The following SNX29 variants were observed in gnomAD, a reference collection of about 807,000 sequenced individuals.
The protein encoded by SNX29 is sorting nexin 29, also known as sorting nexin-29.
SNX29 carries 78 observed loss-of-function variants against 102.1 expected under a neutral mutation model. That is an observed-to-expected ratio of 0.76 (90% CI 0.64 to 0.92). SNX29 has a LOEUF of 0.92. Ranked by LOEUF, SNX29 falls within the 40% of genes least tolerant of loss-of-function variation. The pLI, the probability that SNX29 is intolerant of heterozygous loss-of-function variation, is 0.00. For missense variants in SNX29, 1,280 were observed against 1,061.7 expected (o/e 1.21, Z -2.86); for synonymous variants, 580 against 414.5 (o/e 1.40, Z -4.85).
intron 13 of SNX29, among the ~76,000 whole-genome samples, chr16:12,151,114 C>A (rs2055281311): frequency 6.6e-6 from 1 of 152,018 alleles, no homozygotes; most frequent in Admixed American, 6.6e-5. Flanking sequence ...GTGTAACAGC[C>A]CCTGTGTACC....
chr16:12,527,468 G>C (rs2076817862), intron 20 of SNX29: 3 of 428,114 alleles, frequency 7.0e-6, no homozygotes, highest in South Asian at 6.5e-5. Flanking sequence ...GTTGATTTAG[G>C]ATCCAAAAAG....
chr16:11,977,166 C>T (rs924664647), intron 1 of SNX29: 2 of 280,300 alleles, frequency 7.1e-6, no homozygotes, highest in Admixed American at 1.1e-4. Context: ...ACTCCTAGAC[C>T]CGCTGCGTCC....
intron 13 of SNX29, among the ~76,000 whole-genome samples, chr16:12,163,219 C>G (rs921691021): frequency 6.6e-6 from 1 of 152,112 alleles, no homozygotes; most frequent in Non-Finnish European, 1.5e-5. Flanking sequence ...ATGTCCTTTG[C>G]GGAGCCCCCA....
chr16:12,184,749 A>G (rs1399568537), intron 13 of SNX29, among the ~76,000 whole-genome samples: 1 of 152,212 alleles, frequency 6.6e-6, no homozygotes, highest in Non-Finnish European at 1.5e-5. Context: ...TTCTCATGTA[A>G]TTCATCCCCA....
rs35252846 is a variant in SNX29 at position 12,109,737 on chromosome 16, C to CTT, written c.1403-16886_1403-16885dup. On this transcript the variant is annotated intron_variant, in intron 11 of 20. Transcript: ENST00000566228. ...CCTGTTGAGCTTCCATTGCCCTCAT[C>CTT]TTTTTTTTTTTGACACGGAATCCCG... Among the ~76,000 whole-genome samples, 391 of 148,386 alleles carry CTT rather than the reference C, an allele frequency of 2.6e-3. 2 individuals carry two copies. The highest frequency in any genetic ancestry group is 0.014 in the Middle Eastern group (4 of 292).
intron 20 of SNX29, among the ~76,000 whole-genome samples, chr16:12,558,182 TTAA>T (rs1159023020): frequency 2.6e-5 from 4 of 151,864 alleles, no homozygotes; most frequent in Non-Finnish European, 4.4e-5. Context: ...ATCTCAGTTT[TTAA>T]TAATTACGGT....
chr16:12,447,157 C>G (rs973381643), intron 18 of SNX29, among the ~76,000 whole-genome samples: 2 of 94,504 alleles, frequency 2.1e-5, no homozygotes, highest in African/African-American at 8.5e-5. Context: ...CAGAGGGAGA[C>G]TCTGTCTCAA....
intron 11 of SNX29, among the ~76,000 whole-genome samples, chr16:12,101,927 C>G (rs1161326755): frequency 1.3e-5 from 2 of 152,152 alleles, no homozygotes; most frequent in Admixed American, 6.5e-5. Context: ...GCCCCCTACC[C>G]TCAGACAGGC....
At chr16:12,198,034 C>T (rs1336728157) in intron 13 of SNX29, among the ~76,000 whole-genome samples, 1 of 152,032 alleles carries the variant, frequency 6.6e-6, no homozygotes, top group Non-Finnish European at 1.5e-5. Context: ...GTGGTATTTC[C>T]ATCCGTAAAT....
At chr16:12,381,686 A>G in intron 16 of SNX29, among the ~76,000 whole-genome samples, 1 of 366 alleles carries the variant, frequency 2.7e-3, no homozygotes, top group East Asian at 0.045. Flanking sequence ...TCTATCATCC[A>G]TCCCCCCACC....
intron 11 of SNX29, among the ~76,000 whole-genome samples, chr16:12,091,156 G>A (rs535279781): frequency 4.6e-5 from 7 of 151,648 alleles, no homozygotes; most frequent in African/African-American, 1.5e-4. Flanking sequence ...CATAGCATCC[G>A]TGTAAAATAG....
chr16:12,357,441 G>A (rs1303434641), intron 16 of SNX29, among the ~76,000 whole-genome samples: 1 of 152,144 alleles, frequency 6.6e-6, no homozygotes, highest in South Asian at 2.1e-4. Flanking sequence ...CCTTTGAATA[G>A]TTTTTTTGAT....
intron 13 of SNX29, among the ~76,000 whole-genome samples, chr16:12,161,198 CACCTTTCTGACCTTTGGATAG>C (rs2055769894): frequency 6.6e-6 from 1 of 152,206 alleles, no homozygotes; most frequent in African/African-American, 2.4e-5. Context: ...CCATGTTGAC[CACCTTTCTGACCTTTGGATAG>C]ACAGGGAATA....
chr16:12,053,098 C>G (rs530377815), intron 8 of SNX29: 1 of 152,130 alleles, frequency 6.6e-6, no homozygotes, highest in East Asian at 1.9e-4. Context: ...CTAGACCAGC[C>G]TGACCAACAT....
intron 16 of SNX29, among the ~76,000 whole-genome samples, chr16:12,384,085 T>G (rs915345179): frequency 6.6e-6 from 1 of 152,240 alleles, no homozygotes; most frequent in South Asian, 2.1e-4. Flanking sequence ...TACCCCACTG[T>G]GTATATGTAC....
At chr16:12,388,395 G>A (rs1218736752) in intron 16 of SNX29, among the ~76,000 whole-genome samples, 1 of 152,220 alleles carries the variant, frequency 6.6e-6, no homozygotes, top group Non-Finnish European at 1.5e-5. Flanking sequence ...CCTGGAGCCA[G>A]GGGCCTCTTT....
At chr16:12,009,459 A>ATG (rs139936824) in intron 3 of SNX29, among the ~76,000 whole-genome samples, 4,225 of 148,998 alleles carry the variant, frequency 0.028, 110 homozygotes, top group African/African-American at 0.069. Flanking sequence ...GTGTGTATAT[A>ATG]TGTGTGTGTG....
chr16:12,428,705 A>G (rs7197981), intron 18 of SNX29, among the ~76,000 whole-genome samples: 1,776 of 152,350 alleles, frequency 0.012, 38 homozygotes, highest in African/African-American at 0.04. Flanking sequence ...TACGATTGCA[A>G]TTAATATCTC....
At chr16:12,411,102 C>T (rs2084380245) in intron 18 of SNX29, among the ~76,000 whole-genome samples, 1 of 152,214 alleles carries the variant, frequency 6.6e-6, no homozygotes, top group African/African-American at 2.4e-5. Context: ...CTCTGAGAAG[C>T]CTCTGCCTTA....
Sources: allele counts gnomAD v4.1 joint callset (sites outside exome capture counted in the v4.1 genomes callset), GRCh38; gene constraint gnomAD v4.1.1; transcripts MANE v1.5; gene names NCBI Gene and HGNC (gene_info 2026-07-23, HGNC 2026-07-21).